ST3GAL1: variants seen among roughly 807,000 people sequenced by gnomAD.
The protein encoded by ST3GAL1 is CMP-N-acetylneuraminate-beta-galactosamide-alpha-2,3-sialyltransferase 1.
Under a neutral mutation model 34.1 loss-of-function variants are expected in ST3GAL1, and 16 were observed. The ratio of observed to expected loss-of-function variants is 0.47; its 90% CI spans 0.32 to 0.71. The LOEUF is 0.71. ST3GAL1 is among the 30% of genes least tolerant of loss of function. The pLI, the probability that ST3GAL1 is intolerant of heterozygous loss-of-function variation, is 0.04. For missense variants in ST3GAL1, 353 were observed against 447.4 expected, an observed-to-expected ratio of 0.79 and a Z score of 1.90; for synonymous variants, 191 against 184.7, an observed-to-expected ratio of 1.03 and a Z score of -0.28.
chr8:133,468,226 A>G (rs758905102), intron 5 of ST3GAL1, among the ~76,000 whole-genome samples: 1 of 152,210 alleles, frequency 6.6e-6, no homozygotes, highest in African/African-American at 2.4e-5. Context: ...GTCTCCAGCG[A>G]TGGATGAATA....
rs1389770147 is a variant in ST3GAL1, at chr8:133,508,805, T to C, written c.-428-9616A>G. ...AAATATATAGTCCCTCTCTGAAAGCTTGTGCATCATACAAAACAGTGCAGA... is the reference window on the plus strand; with the variant it reads ...AAATATATAGTCCCTCTCTGAAAGCCTGTGCATCATACAAAACAGTGCAGA... On this transcript the variant is annotated intron_variant, in intron 2 of 9. Coordinates refer to ENST00000522652, the MANE Select transcript of ST3GAL1 (RefSeq NM_173344.3). This position sits in a 1 kb window ranked among gnomAD's most constrained non-coding sequence, Gnocchi z 4.1. Among the ~76,000 whole-genome samples, 1 of 152,150 alleles carries C rather than the reference T, an allele frequency of 6.6e-6. No individual in the cohort carries two copies. Among genetic ancestry groups the C allele is most frequent in the African/African-American group, 2.4e-5 (1 of 41,426 alleles).
chr8:133,493,690 T>C (rs1300395074), intron 3 of ST3GAL1, among the ~76,000 whole-genome samples: 1 of 151,904 alleles, frequency 6.6e-6, no homozygotes. Context: ...ACTAGAAATA[T>C]AAAAAATTAG....
intron 1 of ST3GAL1, among the ~76,000 whole-genome samples, chr8:133,550,590 C>G (rs1179084853): frequency 6.6e-6 from 1 of 152,188 alleles, no homozygotes; most frequent in Non-Finnish European, 1.5e-5. Flanking sequence ...TCATCCCTTT[C>G]ATTTCCATCC....
chr8:133,482,106 C>T (rs1816417898), intron 3 of ST3GAL1, among the ~76,000 whole-genome samples: 1 of 152,104 alleles, frequency 6.6e-6, no homozygotes, highest in East Asian at 1.9e-4. Context: ...CAGCACATAC[C>T]TCGTGCAGAA....
chr8:133,493,168 T>C (rs7831227), intron 3 of ST3GAL1, among the ~76,000 whole-genome samples: 31,534 of 152,190 alleles, frequency 0.21, 3,666 homozygotes, highest in East Asian at 0.51. Context: ...CCCCAGCTGA[T>C]CATTAGAAGG....
chr8:133,509,442 C>T (rs1449077616), intron 2 of ST3GAL1, among the ~76,000 whole-genome samples: 1 of 152,222 alleles, frequency 6.6e-6, no homozygotes, highest in Non-Finnish European at 1.5e-5. Flanking sequence ...CTCTAAGGTT[C>T]ATCTGTAAAA....
intron 5 of ST3GAL1, among the ~76,000 whole-genome samples, chr8:133,472,065 G>A (rs1015825646): frequency 6.6e-6 from 1 of 152,044 alleles, no homozygotes; most frequent in Non-Finnish European, 1.5e-5. Flanking sequence ...GTCTGGGACA[G>A]AGACCCGAGG....
intron 1 of ST3GAL1, among the ~76,000 whole-genome samples, chr8:133,569,234 C>A (rs1439619496): frequency 6.6e-6 from 1 of 152,150 alleles, no homozygotes; most frequent in Non-Finnish European, 1.5e-5. Flanking sequence ...CAGAAAAATG[C>A]AGGGAAAGCA....
At chr8:133,489,871 G>A (rs576121426) in intron 3 of ST3GAL1, among the ~76,000 whole-genome samples, 23 of 152,084 alleles carry the variant, frequency 1.5e-4, no homozygotes, top group African/African-American at 4.1e-4. Context: ...GACTCCTGCC[G>A]GGCTTAAATA....
intron 7 of ST3GAL1, among the ~76,000 whole-genome samples, chr8:133,464,414 T>TA (rs1169476559): frequency 6.6e-6 from 1 of 152,126 alleles, no homozygotes; most frequent in African/African-American, 2.4e-5. Context: ...CACGCTCACA[T>TA]AAGTTTGAAA....
chr8:133,516,214 T>A (rs1294404437), intron 2 of ST3GAL1: 2 of 152,180 alleles, frequency 1.3e-5, no homozygotes, highest in Non-Finnish European at 2.9e-5. Flanking sequence ...CTAGAAGGTA[T>A]AATTTTATCA....
Position 133,455,982 on chromosome 8 carries a change from T to C in ST3GAL1, c.*3782A>G, listed in dbSNP as rs1815280404. ...AAAGCCTCTCAACCAGCCGTTTCCC[T>C]AAAGAATCACCCAGATCTTAACTGC... On this transcript the variant is annotated 3_prime_UTR_variant, in exon 10 of 10. Coordinates refer to ENST00000522652, the MANE Select transcript of ST3GAL1 (RefSeq NM_173344.3). 1.3e-5 allele frequency: 2 copies of C among 151,890 alleles called. No homozygotes were observed. Among genetic ancestry groups the C allele is most frequent in the East Asian group, 3.9e-4 (2 of 5,154 alleles). 9.4% of individuals were successfully genotyped at this position (151,890 alleles called of 1,614,324 possible).
At chr8:133,501,697 C>T (rs1052594509) in intron 2 of ST3GAL1, among the ~76,000 whole-genome samples, 19 of 152,094 alleles carry the variant, frequency 1.2e-4, no homozygotes, top group African/African-American at 4.1e-4. Context: ...TGCAGTGAGC[C>T]GAGATTGTGC....
chr8:133,492,013 G>A (rs528319044), intron 3 of ST3GAL1, among the ~76,000 whole-genome samples: 84 of 152,246 alleles, frequency 5.5e-4, no homozygotes, highest in African/African-American at 1.9e-3. Context: ...ATGGGTGGCC[G>A]GAGCATATGG....
chr8:133,510,298 CA>C (rs1222980371), intron 2 of ST3GAL1, among the ~76,000 whole-genome samples: 1 of 152,186 alleles, frequency 6.6e-6, no homozygotes, highest in Non-Finnish European at 1.5e-5. Context: ...GCACAATGTG[CA>C]GGCAACTATC....
intron 2 of ST3GAL1, among the ~76,000 whole-genome samples, chr8:133,517,405 A>G (rs1817679453): frequency 6.6e-6 from 1 of 152,096 alleles, no homozygotes; most frequent in African/African-American, 2.4e-5. Flanking sequence ...GCTGGAGTGC[A>G]GTGGTGCAAT....
intron 1 of ST3GAL1, among the ~76,000 whole-genome samples, chr8:133,552,677 C>T (rs1372220628): frequency 6.6e-6 from 1 of 152,290 alleles, no homozygotes; most frequent in East Asian, 1.9e-4. Context: ...ACCTGTTAGA[C>T]TAGGAAAGCT....
chr8:133,502,729 T>C lies in ST3GAL1; in HGVS notation c.-428-3540A>G, dbSNP rs1354605892. On this transcript the variant is annotated intron_variant, in intron 2 of 9. Transcript: ENST00000522652. ...GCTGAGGCACAGTGTGGTCAAGCAC[T>C]TTGCTGAAGGCCATATGACTACAAC... Among the ~76,000 whole-genome samples, 3 of 152,356 alleles carry C rather than the reference T, an allele frequency of 2.0e-5. No individual in the cohort carries two copies. The East Asian group carries it at 5.8e-4, about 29-fold the overall frequency.
At chr8:133,547,663 A>T (rs1209181470) in intron 1 of ST3GAL1, among the ~76,000 whole-genome samples, 1 of 152,194 alleles carries the variant, frequency 6.6e-6, no homozygotes, top group Non-Finnish European at 1.5e-5. Context: ...CCTAACACAA[A>T]CTGTGCAGAC....
Sources: allele counts gnomAD v4.1 joint callset (sites outside exome capture counted in the v4.1 genomes callset), GRCh38; gene constraint gnomAD v4.1.1; non-coding constraint Gnocchi (gnomAD v3.1); transcripts MANE v1.5; gene names NCBI Gene and HGNC (gene_info 2026-07-23, HGNC 2026-07-21).